The following ADAM10 variants were observed in gnomAD, a reference collection of about 807,000 sequenced individuals.
The protein encoded by ADAM10 is disintegrin and metalloproteinase domain-containing protein 10.
In ADAM10, 17 loss-of-function variants were observed where a neutral mutation model predicts 90.1. The ratio of observed to expected loss-of-function variants is 0.19; its 90% CI spans 0.13 to 0.28. ADAM10 has a LOEUF of 0.28. Ranked by LOEUF, ADAM10 falls within the 10% of genes least tolerant of loss-of-function variation. The pLI, the probability that ADAM10 is intolerant of heterozygous loss-of-function variation, is 1.00. For missense variants in ADAM10, 610 were observed against 914.3 expected, an observed-to-expected ratio of 0.67 and a Z score of 4.29; for synonymous variants, 310 against 298.6, an observed-to-expected ratio of 1.04 and a Z score of -0.40.
At chr15:58,659,006 G>A (rs1214890825) in intron 5 of ADAM10, among the ~76,000 whole-genome samples, 2 of 152,082 alleles carry the variant, frequency 1.3e-5, no homozygotes, top group African/African-American at 2.4e-5. Context: ...GGGCGCAGTG[G>A]GCTCACACCT....
chr15:58,686,601 C>A, intron 2 of ADAM10: 1 of 1,030,430 alleles, frequency 9.7e-7, no homozygotes, highest in South Asian at 1.3e-5. Context: ...GAACCCAGAT[C>A]CTGTGCTTTA....
At chr15:58,615,278 A>G (rs1349390470) in intron 11 of ADAM10, among the ~76,000 whole-genome samples, 7 of 44,202 alleles carry the variant, frequency 1.6e-4, no homozygotes, top group African/African-American at 1.0e-3. Flanking sequence ...CGTCTGAAGA[A>G]AAAAAAAAAA....
At chr15:58,742,255 A>C (rs1899637883) in intron 1 of ADAM10, among the ~76,000 whole-genome samples, 1 of 152,190 alleles carries the variant, frequency 6.6e-6, no homozygotes, top group Non-Finnish European at 1.5e-5. Flanking sequence ...GACTGTATGT[A>C]TGTTAACCAA....
intron 1 of ADAM10, among the ~76,000 whole-genome samples, chr15:58,731,776 A>G (rs1899254426): frequency 6.6e-6 from 1 of 152,200 alleles, no homozygotes; most frequent in Non-Finnish European, 1.5e-5. Flanking sequence ...TGTTTCTTTA[A>G]GAGTGTCACA....
At chr15:58,657,541 TTTAA>T (rs1483545518) in intron 5 of ADAM10, among the ~76,000 whole-genome samples, 1 of 152,226 alleles carries the variant, frequency 6.6e-6, no homozygotes, top group Non-Finnish European at 1.5e-5. Flanking sequence ...CTTGATTCTT[TTTAA>T]TTATTTCAAT....
At chr15:58,643,849 C>T (rs539778844) in intron 7 of ADAM10, 37 bp downstream of exon 7, 4 of 1,441,354 alleles carry the variant, frequency 2.8e-6, no homozygotes, top group African/African-American at 2.8e-5. Flanking sequence ...TGGACTGTTT[C>T]ACTTTTTAAG....
chr15:58,700,120 G>A (rs1234184996), intron 2 of ADAM10, among the ~76,000 whole-genome samples: 4 of 152,122 alleles, frequency 2.6e-5, no homozygotes, highest in African/African-American at 7.2e-5. Context: ...TCTAAAGGGA[G>A]ATATCAACTG....
At chr15:58,698,405 C>CAA in intron 2 of ADAM10, 4 of 92,994 alleles carry the variant, frequency 4.3e-5, no homozygotes, top group South Asian at 2.8e-4. Flanking sequence ...AACCCCATCT[C>CAA]TAAAAAAAAA....
rs16940718 is a variant in ADAM10 at position 58,737,310 on chromosome 15, G to C, written c.55+12170C>G. ...AAATGGTTTTATGCGTGTTCTTTCT[G>C]TAAGCTGCTTTTCTCCCCTCAAATG... On this transcript the variant is annotated intron_variant, in intron 1 of 15. Transcript: ENST00000260408. Among the ~76,000 whole-genome samples the C allele has an allele frequency of 8.4e-3, 1,271 of 152,142 alleles. 18 individuals are homozygous for C. The highest frequency in any genetic ancestry group is 0.029 in the African/African-American group (1,210 of 41,482).
At chr15:58,722,832 G>A (rs1898901507) in intron 1 of ADAM10, among the ~76,000 whole-genome samples, 1 of 149,166 alleles carries the variant, frequency 6.7e-6, no homozygotes, top group African/African-American at 2.5e-5. Flanking sequence ...CCAGGGCTCA[G>A]GTGATTCTCC....
At position 58,642,443 on chromosome 15, in the gene ADAM10, C is replaced by T. The variant is rs191630544; in HGVS notation, c.828+1443G>A. Among the ~76,000 whole-genome samples, 36 of 150,088 alleles carry T rather than the reference C, an allele frequency of 2.4e-4. No homozygotes were observed. In the East Asian group the frequency reaches 4.7e-3, roughly 20 times the overall value. On this transcript the variant is annotated intron_variant, in intron 7 of 15. Coordinates refer to ENST00000260408, the MANE Select transcript of ADAM10 (RefSeq NM_001110.4). ...TTGCGCCACTGAACTCCAGCCTGGG[C>T]GACAGAGTGAGACTCCTTCTCAAAA...
chr15:58,592,769 A>ATATG lies in ADAM10; in HGVS notation c.*4777_*4778insCATA, dbSNP rs1555409383. ...TCTGATTTAATATATATATATATAT[A>ATATG]TATTAAATCGTGGTAGTATAACTTG... On this transcript the variant is annotated 3_prime_UTR_variant, in exon 16 of 16. Transcript: ENST00000260408. 6.7e-6 allele frequency: 1 copy of ATATG among 150,062 alleles called. No individual in the cohort carries two copies. Among genetic ancestry groups the ATATG allele is most frequent in the African/African-American group, 2.4e-5 (1 of 41,094 alleles). The allele number at this position is 150,062 out of a possible 1,614,324, so 9.3% of individuals were successfully genotyped here.
At chr15:58,633,828 C>T (rs536820841) in intron 8 of ADAM10, among the ~76,000 whole-genome samples, 1 of 149,086 alleles carries the variant, frequency 6.7e-6, no homozygotes, top group South Asian at 2.1e-4. Flanking sequence ...GGCACATGAG[C>T]ACATGATTCC....
chr15:58,694,074 G>A (rs1897905144), intron 2 of ADAM10, among the ~76,000 whole-genome samples: 1 of 152,138 alleles, frequency 6.6e-6, no homozygotes, highest in African/African-American at 2.4e-5. Context: ...TTGAGTACCT[G>A]GAACTCACAC....
intron 6 of ADAM10, among the ~76,000 whole-genome samples, chr15:58,645,066 CATGT>C (rs1896513081): frequency 6.6e-6 from 1 of 152,148 alleles, no homozygotes; most frequent in African/African-American, 2.4e-5. Flanking sequence ...TATGTGAAAA[CATGT>C]ATGTATAGTC....
intron 1 of ADAM10, among the ~76,000 whole-genome samples, chr15:58,720,199 G>A (rs190811779): frequency 5.3e-5 from 8 of 152,156 alleles, no homozygotes; most frequent in African/African-American, 1.4e-4. Flanking sequence ...ACAAAGAGCG[G>A]CATAAAAGGA....
chr15:58,734,238 G>C (rs924563152), intron 1 of ADAM10, among the ~76,000 whole-genome samples: 25 of 152,032 alleles, frequency 1.6e-4, no homozygotes, highest in Admixed American at 1.3e-3. Context: ...AATGTATCAA[G>C]CACTTGCTAT....
rs192051972 is a variant in ADAM10, at chr15:58,597,486, T to G, written c.*61A>C. 928 of 1,613,258 alleles carry G rather than the reference T, an allele frequency of 5.8e-4. 4 individuals carry two copies. In the African/African-American group the frequency reaches 0.011, roughly 19 times the overall value. On this transcript the variant is annotated 3_prime_UTR_variant, in exon 16 of 16. Transcript: ENST00000260408. ...TTTGGAGATGATGACTTAATAGGTT[T>G]CTCTTTGGAGTGAAGTTTTCCCATT...
At position 58,736,755 on chromosome 15, in the gene ADAM10, G is replaced by A. The variant is rs187002216; in HGVS notation, c.55+12725C>T. 1.3e-3 allele frequency among the ~76,000 whole-genome samples: 198 copies of A among 152,034 alleles called. 1 individual carries two copies. Among genetic ancestry groups the A allele is most frequent in the Admixed American group, 0.011 (175 of 15,266 alleles). On this transcript the variant is annotated intron_variant, in intron 1 of 15. Transcript: ENST00000260408. ...TTCAAGAATTAAAAAAAGAAACACA[G>A]TATATCGAAAAAAGCCTCTATGTAA...
Sources: allele counts gnomAD v4.1 joint callset (sites outside exome capture counted in the v4.1 genomes callset), GRCh38; gene constraint gnomAD v4.1.1; transcripts MANE v1.5; gene names NCBI Gene and HGNC (gene_info 2026-07-23, HGNC 2026-07-21).